Variants in PTPRD observed in about 807,000 individuals in gnomAD.
PTPRD encodes the protein protein tyrosine phosphatase receptor type D, also known as receptor-type tyrosine-protein phosphatase delta.
Under a neutral mutation model 214.5 loss-of-function variants are expected in PTPRD, and 34 were observed. That is an observed-to-expected ratio of 0.16 (90% confidence interval 0.12 to 0.21). The LOEUF (loss-of-function observed/expected upper bound fraction) is 0.21, where lower values mean the gene tolerates loss of function less well. PTPRD is among the 10% of genes least tolerant of loss of function. PTPRD has a pLI of 1.00. For synonymous variants in PTPRD, 1,128 were observed against 845.7 expected, an observed-to-expected ratio of 1.33 and a Z score of -5.79; for missense variants, 2,545 against 2,398.7, an observed-to-expected ratio of 1.06 and a Z score of -1.27.
intron 7 of PTPRD, among the ~76,000 whole-genome samples, chr9:9,676,831 G>C (rs2096941106): frequency 6.6e-6 from 1 of 152,160 alleles, no homozygotes; most frequent in South Asian, 2.1e-4. Flanking sequence ...ACTGGTGTGA[G>C]ATGGTATCTC....
At chr9:9,605,871 A>T (rs1227781581) in intron 7 of PTPRD, among the ~76,000 whole-genome samples, 1 of 152,122 alleles carries the variant, frequency 6.6e-6, no homozygotes, top group African/African-American at 2.4e-5. Flanking sequence ...GGAACTTGTC[A>T]TAATGAGGCT....
chr9:9,294,618 A>C (rs2134289777), intron 9 of PTPRD, among the ~76,000 whole-genome samples: 1 of 151,786 alleles, frequency 6.6e-6, no homozygotes, highest in African/African-American at 2.4e-5. Context: ...CTGTGCACAA[A>C]GAAGAGGTCA....
chr9:8,878,015 T>C (rs957429001), intron 11 of PTPRD, among the ~76,000 whole-genome samples: 2 of 152,258 alleles, frequency 1.3e-5, no homozygotes, highest in South Asian at 4.2e-4. Flanking sequence ...CTTAAGGAGG[T>C]TGTCATTCTA....
chr9:9,808,166 A>T (rs898532939), intron 5 of PTPRD, among the ~76,000 whole-genome samples: 6 of 152,316 alleles, frequency 3.9e-5, no homozygotes, highest in African/African-American at 1.4e-4. Flanking sequence ...ACTGTTGCAT[A>T]CTTCATAACT....
At chr9:10,475,697 T>A (rs2099058236) in intron 2 of PTPRD, among the ~76,000 whole-genome samples, 1 of 152,078 alleles carries the variant, frequency 6.6e-6, no homozygotes. Context: ...TTCAGGCCAA[T>A]ATCCCTGATT....
intron 3 of PTPRD, among the ~76,000 whole-genome samples, chr9:10,158,381 C>A (rs538410033): frequency 3.3e-5 from 5 of 152,118 alleles, no homozygotes; most frequent in African/African-American, 9.7e-5. Context: ...AATTTTTAAA[C>A]ATTTAATCAG....
intron 3 of PTPRD, among the ~76,000 whole-genome samples, chr9:10,300,360 C>A (rs1033593565): frequency 2.6e-5 from 4 of 152,064 alleles, no homozygotes; most frequent in Non-Finnish European, 4.4e-5. Flanking sequence ...GAGCTAGCTG[C>A]AGGAGTTTAG....
intron 33 of PTPRD, among the ~76,000 whole-genome samples, chr9:8,458,525 G>C (rs2096280237): frequency 6.6e-6 from 1 of 152,186 alleles, no homozygotes; most frequent in East Asian, 1.9e-4. Flanking sequence ...TCCCATAGTA[G>C]TATGTGACTA....
intron 35 of PTPRD, among the ~76,000 whole-genome samples, chr9:8,413,195 T>C (rs1160953084): frequency 2.0e-5 from 3 of 152,214 alleles, no homozygotes; most frequent in Non-Finnish European, 4.4e-5. Flanking sequence ...AGATGTATTT[T>C]AGGCTTTCAT....
In PTPRD at chr9:9,904,877, C is replaced by T. The variant is rs377706667; in HGVS notation, c.-368+33630G>A. 9.9e-5 allele frequency among the ~76,000 whole-genome samples: 15 copies of T among 152,098 alleles called. No homozygotes were observed. The South Asian group carries it at 2.1e-3, about 21-fold the overall frequency. ...GCAATGATATGCCTTGGTGAAATAACGAAGTGGGGATTTAATTTCTCATAC... is the reference window on the plus strand; with the variant it reads ...GCAATGATATGCCTTGGTGAAATAATGAAGTGGGGATTTAATTTCTCATAC... On this transcript the variant is annotated intron_variant, in intron 5 of 45. Coordinates refer to ENST00000381196, the MANE Select transcript of PTPRD (RefSeq NM_002839.4).
intron 7 of PTPRD, among the ~76,000 whole-genome samples, chr9:9,720,485 T>C (rs1425679282): frequency 1.3e-5 from 2 of 152,164 alleles, no homozygotes. Context: ...AGTCAGAAGT[T>C]AGGACAGACT....
At position 10,247,934 on chromosome 9, in the gene PTPRD, C is replaced by T. The variant is rs189235690; in HGVS notation, c.-545+93029G>A. Among the ~76,000 whole-genome samples, 869 of 152,090 alleles carry T rather than the reference C, an allele frequency of 5.7e-3. 10 individuals carry two copies. Among genetic ancestry groups the T allele is most frequent in the Non-Finnish European group, 6.3e-3 (429 of 67,994 alleles). ...GTTATGGGAGGGACCCAGTGATAGA[C>T]GATTGAATTATGGGGGCAGGTTTTT... On this transcript the variant is annotated intron_variant, in intron 3 of 45. Transcript: ENST00000381196.
At chr9:9,961,045 C>G (rs1051276107) in intron 4 of PTPRD, among the ~76,000 whole-genome samples, 2 of 151,914 alleles carry the variant, frequency 1.3e-5, no homozygotes, top group South Asian at 4.2e-4. Flanking sequence ...ATGCAGCCAA[C>G]AGACACATGA....
chr9:8,710,639 CAAT>C (rs949047459), intron 12 of PTPRD, among the ~76,000 whole-genome samples: 7 of 152,010 alleles, frequency 4.6e-5, no homozygotes, highest in South Asian at 2.1e-4. Flanking sequence ...ATAAAAATAA[CAAT>C]AATAATAACA....
chr9:9,023,637 C>G (rs2099576932), intron 10 of PTPRD, among the ~76,000 whole-genome samples: 1 of 151,948 alleles, frequency 6.6e-6, no homozygotes, highest in Non-Finnish European at 1.5e-5. Context: ...CACTAGGCAG[C>G]TTTTCAGCTC....
At chr9:9,465,996 G>T (rs1290528530) in intron 8 of PTPRD, among the ~76,000 whole-genome samples, 5 of 151,960 alleles carry the variant, frequency 3.3e-5, no homozygotes, top group South Asian at 2.1e-4. Flanking sequence ...CCATAGCATT[G>T]TATGAATCAC....
chr9:10,046,113 G>A (rs2097389053), intron 3 of PTPRD, among the ~76,000 whole-genome samples: 1 of 151,674 alleles, frequency 6.6e-6, no homozygotes, highest in African/African-American at 2.4e-5. Flanking sequence ...TTTTGCTAAT[G>A]ATCAACTACT....
chr9:8,852,897 A>G (rs2097846956), intron 11 of PTPRD, among the ~76,000 whole-genome samples: 1 of 152,132 alleles, frequency 6.6e-6, no homozygotes, highest in African/African-American at 2.4e-5. Context: ...AGAATTAATC[A>G]TTTTGTGAGG....
At chr9:9,236,223 A>C (rs2099966620) in intron 9 of PTPRD, among the ~76,000 whole-genome samples, 1 of 152,162 alleles carries the variant, frequency 6.6e-6, no homozygotes, top group African/African-American at 2.4e-5. Flanking sequence ...ATTGCACTCC[A>C]GCCTGGGCAA....
Sources: allele counts gnomAD v4.1 joint callset (sites outside exome capture counted in the v4.1 genomes callset), GRCh38; gene constraint gnomAD v4.1.1; transcripts MANE v1.5; gene names NCBI Gene and HGNC (gene_info 2026-07-23, HGNC 2026-07-21).